MTCL1: variants seen among roughly 807,000 people sequenced by gnomAD.
The protein encoded by MTCL1 is microtubule cross-linking factor 1.
In MTCL1, 79 loss-of-function variants were observed where a neutral mutation model predicts 141.4. That is an observed-to-expected ratio of 0.56 (90% CI 0.47 to 0.67). The LOEUF is 0.67. Among genes scored for constraint, MTCL1 ranks in the 30% least tolerant of loss-of-function variants. MTCL1 has a pLI of 0.00. For synonymous variants in MTCL1, 914 were observed against 875.8 expected, an observed-to-expected ratio of 1.04 and a Z score of -0.77; for missense variants, 2,177 against 2,113.9, an observed-to-expected ratio of 1.03 and a Z score of -0.59.
intron 4 of MTCL1, among the ~76,000 whole-genome samples, chr18:8,744,230 T>G (rs2096322484): frequency 6.6e-6 from 1 of 152,248 alleles, no homozygotes; most frequent in Non-Finnish European, 1.5e-5. Context: ...GTGCATGCGG[T>G]TAGCTGCCAG....
intron 14 of MTCL1, 111 bp downstream of exon 13, chr18:8,821,609 A>G: frequency 1.8e-6 from 1 of 545,714 alleles, no homozygotes; most frequent in Non-Finnish European, 3.3e-6. Context: ...ATGACTTAAA[A>G]TTATGCCACT....
intron 7 of MTCL1, among the ~76,000 whole-genome samples, chr18:8,787,707 G>A (rs2075567885): frequency 6.6e-6 from 1 of 152,200 alleles, no homozygotes; most frequent in Non-Finnish European, 1.5e-5. Flanking sequence ...GTATGAATCA[G>A]GAGTTTTAAG....
At chr18:8,784,668 T>C in exon 6 of MTCL1, 3 of 1,614,134 alleles carry the variant, frequency 1.9e-6, no homozygotes, top group Non-Finnish European at 8.5e-7. Flanking sequence ...AACGCCAAGA[T>C]GAAGGCTTTC....
Position 8,775,094 on chromosome 18 carries a change from C to T in MTCL1, c.358-2739C>T, listed in dbSNP as rs376074271. On this transcript the variant is annotated intron_variant, in intron 4 of 16. Coordinates refer to ENST00000359865, the Ensembl canonical transcript of MTCL1. Reference sequence around the variant, plus strand: ...GTCTCCAGTTCTAGCTTTCATTTTACTTCATTTAGTTTTCTTTCAGTGCGT... The same window carrying T: ...GTCTCCAGTTCTAGCTTTCATTTTATTTCATTTAGTTTTCTTTCAGTGCGT... Among the ~76,000 whole-genome samples the T allele has an allele frequency of 7.9e-5, 12 of 152,266 alleles. No homozygotes were observed. The East Asian group carries it at 9.7e-4, about 12-fold the overall frequency.
upstream of MTCL1, among the ~76,000 whole-genome samples, chr18:8,712,563 G>C (rs1469836996): frequency 6.6e-6 from 1 of 152,180 alleles, no homozygotes; most frequent in Non-Finnish European, 1.5e-5. Flanking sequence ...AACATGGACA[G>C]TATTCCCCAT....
At position 8,798,011 on chromosome 18, in the gene MTCL1, G is replaced by A. The variant is rs116881277; in HGVS notation, c.2242-86G>A. 27 of 1,336,324 alleles carry A rather than the reference G, an allele frequency of 2.0e-5. No individual in the cohort carries two copies. The East Asian group carries it at 6.0e-4, about 30-fold the overall frequency. The allele number at this position is 1,336,324 out of a possible 1,614,324, so 82.8% of individuals were successfully genotyped here. On this transcript the variant is annotated intron_variant, in intron 9 of 16. Coordinates refer to ENST00000359865, the Ensembl canonical transcript of MTCL1. ...ATAGGCGTTGATAATCCATAAAGTA[G>A]ATGGTTATCCTCAGACAGTGAAAAT...
intron 4 of MTCL1, among the ~76,000 whole-genome samples, chr18:8,737,214 G>A (rs997410526): frequency 6.6e-6 from 1 of 152,306 alleles, no homozygotes; most frequent in Non-Finnish European, 1.5e-5. Flanking sequence ...CATCTTCAAA[G>A]CAACAAACCA....
chr18:8,823,019 G>A (rs776620520), intron 14 of MTCL1, among the ~76,000 whole-genome samples: 4 of 149,754 alleles, frequency 2.7e-5, no homozygotes, highest in Non-Finnish European at 4.4e-5. Context: ...GTAAGACTCC[G>A]TCTCAAAAAA....
chr18:8,723,205 A>C (rs746196304), intron 4 of MTCL1, among the ~76,000 whole-genome samples: 5 of 152,240 alleles, frequency 3.3e-5, no homozygotes, highest in Non-Finnish European at 5.9e-5. Context: ...AGATGCTGGT[A>C]GATTAAACTG....
rs573178562 is a variant in MTCL1, at chr18:8,803,170, AAAAG to A, written c.2437-3720_2437-3717del. On this transcript the variant is annotated intron_variant, in intron 10 of 16. Coordinates refer to ENST00000359865, the Ensembl canonical transcript of MTCL1. ...TGCAAGGTAAAGTTTAAAAAAAAAAAAAAGAAGAAGAAAAAGAAAAAGGCTTGGC... is the reference window on the plus strand; with the variant it reads ...TGCAAGGTAAAGTTTAAAAAAAAAAAAAGAAGAAAAAGAAAAAGGCTTGGC... Among the ~76,000 whole-genome samples, 202 of 151,938 alleles carry A rather than the reference AAAAG, an allele frequency of 1.3e-3. 1 individual carries two copies. The highest frequency in any genetic ancestry group is 4.4e-3 in the African/African-American group (184 of 41,372).
intron 4 of MTCL1, among the ~76,000 whole-genome samples, chr18:8,750,383 C>G (rs1390576549): frequency 1.3e-5 from 2 of 152,222 alleles, no homozygotes; most frequent in Non-Finnish European, 2.9e-5. Context: ...GTGTGACTGC[C>G]TAAGCGAAAT....
At chr18:8,715,723 C>T (rs756112267), upstream of MTCL1, among the ~76,000 whole-genome samples, 6 of 152,322 alleles carry the variant, frequency 3.9e-5, no homozygotes, top group South Asian at 8.3e-4. Context: ...CCCACTCTAT[C>T]GAAAGAGTGA....
At chr18:8,744,817 G>A (rs2096326534) in intron 4 of MTCL1, among the ~76,000 whole-genome samples, 1 of 152,206 alleles carries the variant, frequency 6.6e-6, no homozygotes, top group South Asian at 2.1e-4. Context: ...TTGCAAGGAT[G>A]TGGGTTACAC....
At chr18:8,706,875 A>G (rs531549237) in intron 1 of MTCL1, among the ~76,000 whole-genome samples, 162 bp downstream of exon 1, 1 of 152,312 alleles carries the variant, frequency 6.6e-6, no homozygotes, top group South Asian at 2.1e-4. Flanking sequence ...CTTAAGCCCA[A>G]ACTTCTGGAA....
At chr18:8,814,984 G>A (rs1363739369) in intron 12 of MTCL1, among the ~76,000 whole-genome samples, 1 of 152,230 alleles carries the variant, frequency 6.6e-6, no homozygotes, top group Non-Finnish European at 1.5e-5. Flanking sequence ...AGGTGCTGGA[G>A]AGGATGTGGA....
chr18:8,786,307 A>G (rs1352973874), intron 7 of MTCL1: 1 of 705,740 alleles, frequency 1.4e-6, no homozygotes, highest in Non-Finnish European at 2.6e-6. Context: ...CTCGTCAGAC[A>G]GAGGGACAGC....
chr18:8,806,023 G>T (rs1424578047), intron 10 of MTCL1, among the ~76,000 whole-genome samples: 2 of 152,138 alleles, frequency 1.3e-5, no homozygotes, highest in Non-Finnish European at 2.9e-5. Flanking sequence ...GATATAAGCA[G>T]ATTAGTAATA....
At position 8,706,560 on chromosome 18, in the gene MTCL1, GGATGTCCGGGGGCGCT is replaced by G; in HGVS notation, c.901_916del (p.Asp301ArgfsTer49). 1 of 1,415,290 alleles carries G rather than the reference GGATGTCCGGGGGCGCT, an allele frequency of 7.1e-7. No individual in the cohort carries two copies. Among genetic ancestry groups the G allele is most frequent in the East Asian group, 3.0e-5 (1 of 33,214 alleles). The allele number at this position is 1,415,290 out of a possible 1,614,324, so 87.7% of individuals were successfully genotyped here. ...GTTTCGCGGGGCCCGGCGTGGCGGAGGATGTCCGGGGGCGCTCGCCACCGGAGCGACCAGTCCCCGG... is the reference window on the plus strand; with the variant it reads ...GTTTCGCGGGGCCCGGCGTGGCGGAGCGCCACCGGAGCGACCAGTCCCCGG... On this transcript the variant is annotated frameshift_variant, in exon 1 of 14. Coordinates refer to the MTCL1 transcript ENST00000306329. LOFTEE classifies it high-confidence loss of function.
chr18:8,814,635 C>T (rs777691843), intron 12 of MTCL1, among the ~76,000 whole-genome samples: 10 of 152,284 alleles, frequency 6.6e-5, no homozygotes, highest in Non-Finnish European at 1.2e-4. Flanking sequence ...CTTAGTTGAC[C>T]GGTGTCACAG....
Sources: allele counts gnomAD v4.1 joint callset (sites outside exome capture counted in the v4.1 genomes callset), GRCh38; gene constraint gnomAD v4.1.1; transcripts MANE v1.5; gene names NCBI Gene and HGNC (gene_info 2026-07-23, HGNC 2026-07-21).